The following NALF1 variants were observed in gnomAD, a reference collection of about 807,000 sequenced individuals.
NALF1 encodes NALCN channel auxiliary factor 1, also known as family with sequence similarity 155 member A.
NALF1 carries 3 observed loss-of-function variants against 48.4 expected under a neutral mutation model. The observed-to-expected ratio is 0.06, with a 90% confidence interval of 0.03 to 0.16. NALF1 has a LOEUF of 0.16. Ranked by LOEUF, NALF1 falls within the 10% of genes least tolerant of loss-of-function variation. The pLI is 1.00. For missense variants in NALF1, 526 were observed against 571.5 expected (o/e 0.92, Z 0.81); for synonymous variants, 262 against 245.7 (o/e 1.07, Z -0.62).
In NALF1 at chr13:107,469,733, C is replaced by CTTTTT. The variant is rs61241553; in HGVS notation, c.916-258983_916-258979dup. Among the ~76,000 whole-genome samples, 62 of 79,966 alleles carry CTTTTT rather than the reference C, an allele frequency of 7.8e-4. 10 individuals carry two copies. The highest frequency in any genetic ancestry group is 1.9e-3 in the South Asian group (4 of 2,056). 52.5% of individuals were successfully genotyped at this position (79,966 alleles called of 152,430 possible). A position where few individuals can be genotyped will look rare whatever the true frequency, so the allele number is the denominator to read the frequency against. On this transcript the variant is annotated intron_variant, in intron 1 of 2. Coordinates refer to ENST00000375915, the MANE Select transcript of NALF1 (RefSeq NM_001080396.3). ...TAAATGCGATGAGTCAACTGTGTAT[C>CTTTTT]TTTTTTTTTTTTTTTTTTTTTTTTT...
At chr13:107,593,407 G>A (rs1399566068) in intron 1 of NALF1, among the ~76,000 whole-genome samples, 1 of 151,858 alleles carries the variant, frequency 6.6e-6, no homozygotes, top group African/African-American at 2.4e-5. Flanking sequence ...GAAAGAGTAT[G>A]CATTGACAAA....
chr13:107,232,202 G>A (rs1020468103), intron 1 of NALF1, among the ~76,000 whole-genome samples: 1 of 152,178 alleles, frequency 6.6e-6, no homozygotes, highest in Non-Finnish European at 1.5e-5. Flanking sequence ...AGGTAGGTAA[G>A]GGCATGCCCT....
At chr13:107,707,652 T>C (rs1386341228) in intron 1 of NALF1, among the ~76,000 whole-genome samples, 1 of 152,220 alleles carries the variant, frequency 6.6e-6, no homozygotes, top group Non-Finnish European at 1.5e-5. Context: ...ATATCAACTG[T>C]CCCTGAGGTG....
chr13:107,593,527 C>G (rs914272220), intron 1 of NALF1, among the ~76,000 whole-genome samples: 1 of 151,762 alleles, frequency 6.6e-6, no homozygotes, highest in African/African-American at 2.4e-5. Context: ...AGATTATACC[C>G]CTAAATGAAC....
At chr13:107,384,399 G>A (rs1366105056) in intron 1 of NALF1, among the ~76,000 whole-genome samples, 1 of 152,120 alleles carries the variant, frequency 6.6e-6, no homozygotes. Flanking sequence ...CATACAGTCT[G>A]CAAGTTTAGT....
At chr13:107,565,559 C>T (rs1430258698) in intron 1 of NALF1, among the ~76,000 whole-genome samples, 1 of 152,058 alleles carries the variant, frequency 6.6e-6, no homozygotes, top group African/African-American at 2.4e-5. Flanking sequence ...AGAATGCAGT[C>T]CCGAGAGTTG....
intron 1 of NALF1, among the ~76,000 whole-genome samples, chr13:107,736,929 T>A (rs539763788): frequency 5.5e-4 from 84 of 152,308 alleles, no homozygotes; most frequent in African/African-American, 1.9e-3. Flanking sequence ...GGCAGGGGAT[T>A]CCCACACAGC....
chr13:107,268,747 A>C (rs1881094685), intron 1 of NALF1, among the ~76,000 whole-genome samples: 1 of 152,194 alleles, frequency 6.6e-6, no homozygotes, highest in South Asian at 2.1e-4. Flanking sequence ...AAGAGAAGTC[A>C]GGGTCCAGGG....
At chr13:107,398,457 C>G (rs1330521386) in intron 1 of NALF1, among the ~76,000 whole-genome samples, 1 of 150,802 alleles carries the variant, frequency 6.6e-6, no homozygotes, top group Admixed American at 6.6e-5. Context: ...TATGTATGTG[C>G]TCTCTCATGG....
intron 1 of NALF1, among the ~76,000 whole-genome samples, chr13:107,252,903 C>T (rs1018276555): frequency 2.6e-5 from 4 of 152,274 alleles, no homozygotes; most frequent in African/African-American, 9.6e-5. Flanking sequence ...TATCTTTGAA[C>T]ATTATACATA....
intron 1 of NALF1, among the ~76,000 whole-genome samples, chr13:107,493,503 G>A (rs1337775927): frequency 4.6e-5 from 7 of 152,032 alleles, no homozygotes; most frequent in East Asian, 3.9e-4. Context: ...AATATTGACC[G>A]CAGTAAAATC....
intron 1 of NALF1, among the ~76,000 whole-genome samples, chr13:107,529,277 G>T (rs1047346051): frequency 6.6e-6 from 1 of 152,088 alleles, no homozygotes; most frequent in Non-Finnish European, 1.5e-5. Flanking sequence ...CAAGAGCAGA[G>T]AAACGAGACC....
rs965363865 is a variant in NALF1, at chr13:107,165,209, A to T, written c.*5288T>A. 2 of 152,216 alleles carry T rather than the reference A, an allele frequency of 1.3e-5. No homozygotes were observed. Among genetic ancestry groups the T allele is most frequent in the African/African-American group, 4.8e-5 (2 of 41,464 alleles). 9.4% of individuals were successfully genotyped at this position (152,216 alleles called of 1,614,324 possible). A position where few individuals can be genotyped will look rare whatever the true frequency, so the allele number is the denominator to read the frequency against. On this transcript the variant is annotated 3_prime_UTR_variant, in exon 3 of 3. Coordinates refer to ENST00000375915, the MANE Select transcript of NALF1 (RefSeq NM_001080396.3). ...AAATATTGAATAACACAGCAAAGTC[A>T]TGGAACAAAATGTAACATGACAAAC... is the stretch of plus-strand genomic sequence containing the variant.
At chr13:107,170,910 G>T in intron 2 of NALF1, 124 bp from the exon 3 acceptor site, 1 of 835,856 alleles carries the variant, frequency 1.2e-6, no homozygotes, top group Non-Finnish European at 1.9e-6. Flanking sequence ...TTTATTTAAA[G>T]GAAAATCAAG....
chr13:107,556,650 C>T (rs1429681128), intron 1 of NALF1, among the ~76,000 whole-genome samples: 2 of 130,364 alleles, frequency 1.5e-5, no homozygotes, highest in South Asian at 2.8e-4. Context: ...CACTGCCCTG[C>T]CCAGCTTTTT....
intron 1 of NALF1, among the ~76,000 whole-genome samples, chr13:107,227,242 G>T (rs2138821197): frequency 6.6e-6 from 1 of 152,292 alleles, no homozygotes; most frequent in South Asian, 2.1e-4. Flanking sequence ...ATGAAATAAA[G>T]TTAAGGCAGT....
rs539870730 is a variant in NALF1 at position 107,421,520 on chromosome 13, T to C, written c.916-210765A>G. ...TATAATTTATTTCATTACATAAACA[T>C]AGAAAACCAGAAAGACAGATCACAG... On this transcript the variant is annotated intron_variant, in intron 1 of 2. Coordinates refer to ENST00000375915, the MANE Select transcript of NALF1 (RefSeq NM_001080396.3). Among the ~76,000 whole-genome samples, 27 of 152,254 alleles carry C rather than the reference T, an allele frequency of 1.8e-4. No individual in the cohort carries two copies. The South Asian group carries it at 4.4e-3, about 25-fold the overall frequency.
chr13:107,209,683 T>C (rs1879719818), intron 2 of NALF1, among the ~76,000 whole-genome samples: 1 of 152,216 alleles, frequency 6.6e-6, no homozygotes, highest in South Asian at 2.1e-4. Context: ...TAGAGGAGTT[T>C]GGCAAGTCTA....
At chr13:107,518,786 G>A (rs189022575) in intron 1 of NALF1, among the ~76,000 whole-genome samples, 4 of 152,236 alleles carry the variant, frequency 2.6e-5, no homozygotes, top group Admixed American at 2.6e-4. Flanking sequence ...TTTTCAGACA[G>A]AACATTCTAA....
Sources: allele counts gnomAD v4.1 joint callset (sites outside exome capture counted in the v4.1 genomes callset), GRCh38; gene constraint gnomAD v4.1.1; transcripts MANE v1.5; gene names NCBI Gene and HGNC (gene_info 2026-07-23, HGNC 2026-07-21).